The following MAP3K2 variants were observed in gnomAD, a reference collection of about 807,000 sequenced individuals.
MAP3K2 encodes mitogen-activated protein kinase kinase kinase 2.
A neutral mutation model predicts 80.3 loss-of-function variants in MAP3K2; 24 were observed. The observed-to-expected ratio is 0.30, with a 90% CI of 0.22 to 0.42. The LOEUF is 0.42. Ranked by LOEUF, MAP3K2 falls within the 10% of genes least tolerant of loss-of-function variation. The pLI is 1.00. For synonymous variants in MAP3K2, 244 were observed against 253.7 expected (o/e 0.96, Z 0.36); for missense variants, 608 against 750.1 (o/e 0.81, Z 2.21).
Position 127,336,912 on chromosome 2 carries a change from G to A in MAP3K2, c.164+826C>T, listed in dbSNP as rs544331716. Among the ~76,000 whole-genome samples the A allele has an allele frequency of 3.9e-5, 6 of 152,266 alleles. No homozygotes were observed. In the East Asian group the frequency reaches 9.7e-4, roughly 25 times the overall value. On this transcript the variant is annotated intron_variant, in intron 4 of 16. Transcript: ENST00000682094. ...TCCCAGCACTTTGGGAGGCCGGGGC[G>A]GGTGGATCATCTGAGGTCAGGAGTT...
intron 1 of MAP3K2, among the ~76,000 whole-genome samples, chr2:127,363,391 T>C (rs542626817): frequency 3.3e-5 from 5 of 152,346 alleles, no homozygotes; most frequent in African/African-American, 9.6e-5. Flanking sequence ...TATACCTTAA[T>C]ACTTTATTAA....
intron 1 of MAP3K2, among the ~76,000 whole-genome samples, chr2:127,376,348 C>G (rs1213866459): frequency 4.6e-5 from 7 of 152,298 alleles, no homozygotes; most frequent in African/African-American, 1.7e-4. Context: ...ACCATGTGAA[C>G]TGCCCACCAG....
Position 127,319,794 on chromosome 2 carries a change from G to A in MAP3K2, c.1046-1477C>T, listed in dbSNP as rs1485022126. Among the ~76,000 whole-genome samples the A allele has an allele frequency of 5.3e-5, 8 of 150,084 alleles. No homozygotes were observed. The East Asian group carries it at 9.7e-4, about 18-fold the overall frequency. On this transcript the variant is annotated intron_variant, in intron 12 of 16. Transcript: ENST00000682094. ...GGGGAGGTTGCGGTGAGCTGAGATC[G>A]CGCCACTGCACTCCAACCTGGGCAA...
At chr2:127,341,524 T>TG (rs1383374148) in intron 2 of MAP3K2, among the ~76,000 whole-genome samples, 1,775 of 132,758 alleles carry the variant, frequency 0.013, 41 homozygotes, top group African/African-American at 0.047. Context: ...TGGGTTTTTT[T>TG]TTGTTGTTTT....
At chr2:127,338,695 G>A (rs1357727424) in intron 3 of MAP3K2, among the ~76,000 whole-genome samples, 1 of 152,118 alleles carries the variant, frequency 6.6e-6, no homozygotes, top group Non-Finnish European at 1.5e-5. Flanking sequence ...AGAATTCCAT[G>A]GTGTATATGT....
intron 11 of MAP3K2, 42 bp downstream of exon 11, chr2:127,323,860 G>C: frequency 1.0e-6 from 1 of 983,606 alleles, no homozygotes; most frequent in Non-Finnish European, 1.5e-6. Flanking sequence ...TTGTTGTTGA[G>C]ATTTTTTAAC....
At chr2:127,341,697 T>G (rs926166462) in intron 2 of MAP3K2, among the ~76,000 whole-genome samples, 20 of 151,916 alleles carry the variant, frequency 1.3e-4, no homozygotes, top group African/African-American at 4.8e-4. Flanking sequence ...CATGCCTGGC[T>G]AATTTTTTGT....
At chr2:127,357,485 T>G (rs1297504319) in intron 1 of MAP3K2, among the ~76,000 whole-genome samples, 1 of 152,116 alleles carries the variant, frequency 6.6e-6, no homozygotes, top group East Asian at 1.9e-4. Flanking sequence ...GAGACCCTGT[T>G]GAATACAGAA....
chr2:127,388,267 C>T, upstream of MAP3K2: 1 of 985,502 alleles, frequency 1.0e-6, no homozygotes, highest in Non-Finnish European at 1.2e-6. Context: ...CTCGAGCCTG[C>T]GGTAGTGGCC....
chr2:127,386,539 T>C (rs976899), intron 1 of MAP3K2, among the ~76,000 whole-genome samples: 1 of 152,328 alleles, frequency 6.6e-6, no homozygotes, highest in Non-Finnish European at 1.5e-5. Context: ...AAGGTCAAAC[T>C]ACAAAAGTAA....
In MAP3K2 at chr2:127,322,167, T is replaced by A. The variant is rs769966551; in HGVS notation, c.924A>T (p.Leu308Phe). 2 of 1,613,896 alleles carry A rather than the reference T, an allele frequency of 1.2e-6. No individual in the cohort carries two copies. The highest frequency in any genetic ancestry group is 2.2e-5 in the South Asian group (2 of 91,080). The change falls in exon 12 of 17, where the codon TTA (leucine) becomes TTT (phenylalanine). Residue 308 changes from leucine (L) to phenylalanine (F), a missense_variant. By Grantham distance (22) the Leu-to-Phe change is conservative. Around this residue, in one of 4 missense-constraint regions of MAP3K2, gnomAD observed 467 missense variants for 521.9 expected, o/e 0.89. Transcript: ENST00000682094. This position sits in a 1 kb window ranked among gnomAD's most constrained non-coding sequence, Gnocchi z 4.2. Reference protein sequence around the residue: ...PVSFSPTDHSLSTSSGSSIFT... With the variant: ...PVSFSPTDHSFSTSSGSSIFT... ...AGATACTGCTTCCACTACTAGTGCT[T>A]AAGGAATGATCAGTAGGACTGAAAC... is the stretch of plus-strand genomic sequence containing the variant.
intron 4 of MAP3K2, among the ~76,000 whole-genome samples, chr2:127,337,482 A>T (rs574614002): frequency 6.6e-6 from 1 of 152,340 alleles, no homozygotes; most frequent in African/African-American, 2.4e-5. Context: ...GAAAATATGT[A>T]AAGGCTGTAT....
chr2:127,307,506 G>A lies in MAP3K2; in HGVS notation c.*73C>T. On this transcript the variant is annotated 3_prime_UTR_variant, in exon 17 of 17. Coordinates refer to ENST00000682094, the MANE Select transcript of MAP3K2 (RefSeq NM_001371910.2). This position sits in a 1 kb window ranked among gnomAD's most constrained non-coding sequence, Gnocchi z 5.4. ...CCCATCTCTCTTTTTTTATAAAAAA[G>A]AAAAGTGCAGTCAGAGAGAAGGTGA... 1 of 874,384 alleles carries A rather than the reference G, an allele frequency of 1.1e-6. No homozygotes were observed. The highest frequency in any genetic ancestry group is 1.7e-6 in the Non-Finnish European group (1 of 602,830). 54.2% of individuals were successfully genotyped at this position (874,384 alleles called of 1,614,324 possible).
chr2:127,335,075 T>C (rs965017448), intron 5 of MAP3K2, among the ~76,000 whole-genome samples: 3 of 152,182 alleles, frequency 2.0e-5, no homozygotes, highest in Non-Finnish European at 2.9e-5. Flanking sequence ...GCCTACTTTA[T>C]GCATTTCTTT....
intron 1 of MAP3K2, among the ~76,000 whole-genome samples, chr2:127,346,168 A>C (rs1008328867): frequency 6.6e-6 from 1 of 151,382 alleles, no homozygotes; most frequent in Admixed American, 6.6e-5. Flanking sequence ...AACCTTTCAG[A>C]AATAAAAAGG....
chr2:127,348,385 C>T (rs1311060812), intron 1 of MAP3K2, among the ~76,000 whole-genome samples: 1 of 152,062 alleles, frequency 6.6e-6, no homozygotes, highest in Admixed American at 6.5e-5. Flanking sequence ...GAGACTTCAT[C>T]TCCAATAAAT....
At position 127,300,626 on chromosome 2, in the gene MAP3K2, A is replaced by C. The variant is rs569393728; in HGVS notation, c.*6953T>G. The C allele has an allele frequency of 6.6e-6, 1 of 152,306 alleles. No individual in the cohort carries two copies. Among genetic ancestry groups the C allele is most frequent in the African/African-American group, 2.4e-5 (1 of 41,572 alleles). The allele number at this position is 152,306 out of a possible 1,614,324, so 9.4% of individuals were successfully genotyped here. On this transcript the variant is annotated 3_prime_UTR_variant, in exon 17 of 17. Coordinates refer to ENST00000682094, the MANE Select transcript of MAP3K2 (RefSeq NM_001371910.2). ...TAATATTTCAGAATTCAGGGTAGCA[A>C]ATTTTAAAACCAATAACAATAGAAA...
At position 127,303,359 on chromosome 2, in the gene MAP3K2, A is replaced by G. The variant is rs1685634724; in HGVS notation, c.*4220T>C. On this transcript the variant is annotated 3_prime_UTR_variant, in exon 17 of 17. Transcript: ENST00000682094. Reference sequence around the variant, plus strand: ...AAAAAAAGAACAAAAAAACACTGTTATGGAATAAATGCTCCCCATCACCAG... The same window carrying G: ...AAAAAAAGAACAAAAAAACACTGTTGTGGAATAAATGCTCCCCATCACCAG... The G allele has an allele frequency of 6.6e-6, 1 of 151,252 alleles. No homozygotes were observed. The highest frequency in any genetic ancestry group is 1.5e-5 in the Non-Finnish European group (1 of 67,836). 9.4% of individuals were successfully genotyped at this position (151,252 alleles called of 1,614,324 possible). A position where few individuals can be genotyped will look rare whatever the true frequency, so the allele number is the denominator to read the frequency against.
At chr2:127,366,319 G>A (rs1686970209) in intron 1 of MAP3K2, among the ~76,000 whole-genome samples, 1 of 151,514 alleles carries the variant, frequency 6.6e-6, no homozygotes, top group African/African-American at 2.4e-5. Flanking sequence ...AGGCTGAGGT[G>A]GGAGGATCCC....
Sources: allele counts gnomAD v4.1 joint callset (sites outside exome capture counted in the v4.1 genomes callset), GRCh38; gene constraint gnomAD v4.1.1; regional missense constraint gnomAD v4.1.1; non-coding constraint Gnocchi (gnomAD v3.1); transcripts MANE v1.5; gene names NCBI Gene and HGNC (gene_info 2026-07-23, HGNC 2026-07-21).